ZNF578: variants seen among roughly 807,000 people sequenced by gnomAD.
ZNF578 encodes Putative chemokine-related protein B42.
Under a neutral mutation model 8.3 loss-of-function variants are expected in ZNF578, and 8 were observed. The ratio of observed to expected loss-of-function variants is 0.96; its 90% CI spans 0.56 to 1.74. The LOEUF (loss-of-function observed/expected upper bound fraction) is 1.74, where lower values mean the gene tolerates loss of function less well. Ranked by LOEUF, ZNF578 falls within the 40% of genes most tolerant of loss-of-function variation. The pLI is 0.00. For synonymous variants in ZNF578, 206 were observed against 232.2 expected (o/e 0.89, Z 1.03); for missense variants, 726 against 707.5 (o/e 1.03, Z -0.30).
intron 3 of ZNF578, among the ~76,000 whole-genome samples, chr19:52,494,175 G>C (rs1317261120): frequency 6.6e-6 from 1 of 151,906 alleles, no homozygotes; most frequent in Non-Finnish European, 1.5e-5. Context: ...TAAAGAATTA[G>C]GGAGGGAAGC....
rs1263551945 is a variant in ZNF578, at chr19:52,486,898, G to A, written c.-121-4426G>A. Among the ~76,000 whole-genome samples, 5 of 151,956 alleles carry A rather than the reference G, an allele frequency of 3.3e-5. No individual in the cohort carries two copies. In the South Asian group the frequency reaches 8.3e-4, roughly 25 times the overall value. Reference sequence around the variant, plus strand: ...AGGTGGAAGAGAAGGAATAGAGAGGGAAGAAAGGGATAAACGGCAGAAGAG... The same window carrying A: ...AGGTGGAAGAGAAGGAATAGAGAGGAAAGAAAGGGATAAACGGCAGAAGAG... On this transcript the variant is annotated intron_variant, in intron 2 of 5. Coordinates refer to ENST00000421239, the MANE Select transcript of ZNF578 (RefSeq NM_001099694.2).
rs143029487 is a variant in ZNF578 at position 52,475,618 on chromosome 19, A to G, written c.-121-15706A>G. ...ATGATCCACCCGCCTCGGCATCTCA[A>G]AGTGCTGGGATTATAGGCGTGAGCC... On this transcript the variant is annotated intron_variant, in intron 2 of 5. Coordinates refer to ENST00000421239, the MANE Select transcript of ZNF578 (RefSeq NM_001099694.2). 8.2e-3 allele frequency among the ~76,000 whole-genome samples: 1,254 copies of G among 152,228 alleles called. 22 individuals are homozygous for G. Among genetic ancestry groups the G allele is most frequent in the African/African-American group, 0.029 (1,197 of 41,540 alleles).
chr19:52,493,190 C>A (rs985184826), intron 3 of ZNF578, among the ~76,000 whole-genome samples: 2 of 152,188 alleles, frequency 1.3e-5, no homozygotes, highest in African/African-American at 4.8e-5. Flanking sequence ...CCCTGGGCGC[C>A]TCCCAGGCTC....
chr19:52,480,052 G>C (rs2059320664), intron 2 of ZNF578, among the ~76,000 whole-genome samples: 1 of 152,158 alleles, frequency 6.6e-6, no homozygotes, highest in African/African-American at 2.4e-5. Flanking sequence ...TGGGACTACA[G>C]GTGCCTGCCA....
chr19:52,469,170 T>TTTTG lies in ZNF578; in HGVS notation c.-122+12215_-122+12216insGTTT, dbSNP rs1555752379. ...GTACCTGGAGTGGTTTTTTTTTGTTTTTTTTTTTTTGACAGGGTCTCACTC... is the reference window on the plus strand; with the variant it reads ...GTACCTGGAGTGGTTTTTTTTTGTTTTTTGTTTTTTTTTTGACAGGGTCTCACTC... On this transcript the variant is annotated intron_variant, in intron 2 of 5. Coordinates refer to ENST00000421239, the MANE Select transcript of ZNF578 (RefSeq NM_001099694.2). Among the ~76,000 whole-genome samples the TTTTG allele has an allele frequency of 2.7e-5, 4 of 149,014 alleles. 1 individual carries two copies. The highest frequency in any genetic ancestry group is 7.4e-5 in the African/African-American group (3 of 40,770).
chr19:52,499,062 C>A (rs1447502403), intron 3 of ZNF578, among the ~76,000 whole-genome samples: 5 of 152,058 alleles, frequency 3.3e-5, no homozygotes, highest in African/African-American at 1.2e-4. Flanking sequence ...TCAGCCACAC[C>A]TCCTTCCTCC....
rs73584874 is a variant in ZNF578 at position 52,513,399 on chromosome 19, A to C, written c.*1245A>C. ...TTTAAAGAGATAGTACTTTTTTGAG[A>C]TAGTACTTTTTTAAAGGGATATACC... is the stretch of plus-strand genomic sequence containing the variant. On this transcript the variant is annotated 3_prime_UTR_variant, in exon 6 of 6. Coordinates refer to ENST00000421239, the MANE Select transcript of ZNF578 (RefSeq NM_001099694.2). Among the ~76,000 whole-genome samples the C allele has an allele frequency of 1.7e-5, 2 of 115,078 alleles. No individual in the cohort carries two copies. The highest frequency in any genetic ancestry group is 3.5e-5 in the Non-Finnish European group (2 of 56,900). The allele number at this position is 115,078 out of a possible 152,430, so 75.5% of individuals were successfully genotyped here.
At chr19:52,458,484 T>TATATATATATA (rs1167339096) in intron 2 of ZNF578, 67 of 11,598 alleles carry the variant, frequency 5.8e-3, no homozygotes, top group Middle Eastern at 0.05. Context: ...ATATATATAT[T>TATATATATATA]TTGAAAATCT....
rs329938 is a variant in ZNF578 at position 52,512,447 on chromosome 19, A to T, written c.*293A>T. On this transcript the variant is annotated 3_prime_UTR_variant, in exon 6 of 6. Coordinates refer to ENST00000421239, the MANE Select transcript of ZNF578 (RefSeq NM_001099694.2). Reference sequence around the variant, plus strand: ...TCTTCCGAGTGTAATAAATGTGGCAAATTTTTCAGACATCGTTCATACCTT... The same window carrying T: ...TCTTCCGAGTGTAATAAATGTGGCATATTTTTCAGACATCGTTCATACCTT... 5.1e-6 allele frequency: 7 copies of T among 1,385,008 alleles called. No individual in the cohort carries two copies. In the African/African-American group the frequency reaches 1.0e-4, roughly 20 times the overall value. The allele number at this position is 1,385,008 out of a possible 1,614,324, so 85.8% of individuals were successfully genotyped here.
At chr19:52,492,113 G>C (rs960103316) in intron 3 of ZNF578, among the ~76,000 whole-genome samples, 3 of 128,170 alleles carry the variant, frequency 2.3e-5, no homozygotes, top group African/African-American at 8.6e-5. Flanking sequence ...AGCCAAAACC[G>C]TGCCACTGCA....
intron 2 of ZNF578, among the ~76,000 whole-genome samples, chr19:52,465,182 C>T (rs1032695711): frequency 4.6e-5 from 7 of 152,036 alleles, no homozygotes; most frequent in Non-Finnish European, 1.0e-4. Flanking sequence ...AACTGCAGGG[C>T]GAGCCTGAAT....
chr19:52,502,821 C>T (rs2059412372), intron 4 of ZNF578, among the ~76,000 whole-genome samples: 1 of 152,140 alleles, frequency 6.6e-6, no homozygotes, highest in Non-Finnish European at 1.5e-5. Context: ...TTACAGCAGC[C>T]TCAAACTCCT....
In ZNF578 at chr19:52,510,747, A is replaced by T. The variant is rs147551656; in HGVS notation, c.366A>T (p.Arg122Ser). Residue 122 changes from arginine (R) to serine (S), a missense_variant, in exon 6 of 6, where the codon AGA (arginine) becomes AGT (serine). Arg to Ser is a moderately radical substitution (Grantham distance 110). Coordinates refer to ENST00000421239, the MANE Select transcript of ZNF578 (RefSeq NM_001099694.2). Reference protein sequence around the residue: ...DFEFQSQKDERNGHEASMPKI... With the variant: ...DFEFQSQKDESNGHEASMPKI... The stretch of plus-strand genomic sequence containing the variant: ...AGTTTCAGTCACAAAAAGATGAAAG[A>T]AATGGCCATGAAGCATCCATGCCAA... 22 of 1,612,906 alleles carry T rather than the reference A, an allele frequency of 1.4e-5. No individual in the cohort carries two copies. In the East Asian group the frequency reaches 4.7e-4, roughly 34 times the overall value.
intron 3 of ZNF578, among the ~76,000 whole-genome samples, chr19:52,498,208 G>C (rs544133016): frequency 6.6e-6 from 1 of 152,248 alleles, no homozygotes; most frequent in South Asian, 2.1e-4. Context: ...CCAGGCTGGA[G>C]TGCAGTGACA....
At chr19:52,496,416 G>A (rs1191279526) in intron 3 of ZNF578, among the ~76,000 whole-genome samples, 1 of 143,052 alleles carries the variant, frequency 7.0e-6, no homozygotes, top group African/African-American at 2.6e-5. Context: ...TGCAAGCTCC[G>A]CCTCCCGGGT....
Position 52,511,985 on chromosome 19 carries a change from G to T in ZNF578, c.1604G>T (p.Gly535Val). The part of the protein sequence containing the change: ...HLSRHHRLHT[G>V]EKPYKCKVCD... ...TCACGTCATCATAGACTTCATACTGGAGAGAAACCTTACAAATGTAAGGTT... is the reference window on the plus strand; with the variant it reads ...TCACGTCATCATAGACTTCATACTGTAGAGAAACCTTACAAATGTAAGGTT... The change falls in exon 6 of 6, where the codon GGA becomes GTA. Residue 535 changes from glycine to valine, a missense_variant. Physicochemically the swap from Gly to Val is moderately radical, Grantham distance 109. Coordinates refer to ENST00000421239, the MANE Select transcript of ZNF578 (RefSeq NM_001099694.2). 2 of 1,614,090 alleles carry T rather than the reference G, an allele frequency of 1.2e-6. No individual in the cohort carries two copies. The highest frequency in any genetic ancestry group is 8.5e-7 in the Non-Finnish European group (1 of 1,180,012).
At chr19:52,472,712 C>T (rs1252816556) in intron 2 of ZNF578, among the ~76,000 whole-genome samples, 1 of 152,136 alleles carries the variant, frequency 6.6e-6, no homozygotes, top group Non-Finnish European at 1.5e-5. Context: ...ATACATTGAA[C>T]ACAATAAGTA....
intron 2 of ZNF578, chr19:52,473,847 A>G (rs2059299703): frequency 6.3e-6 from 2 of 316,550 alleles, no homozygotes; most frequent in Admixed American, 4.7e-5. Context: ...ATTCTCCAAC[A>G]TTGTGCTAGG....
chr19:52,506,400 C>T (rs1182201121), intron 5 of ZNF578, among the ~76,000 whole-genome samples: 1 of 150,646 alleles, frequency 6.6e-6, no homozygotes, highest in Non-Finnish European at 1.5e-5. Flanking sequence ...CACCTGAGGT[C>T]AGGAGTTCGA....
Sources: gnomAD v4.1 joint callset for allele counts (sites outside exome capture counted in the v4.1 genomes callset) on GRCh38, gnomAD v4.1.1 for gene constraint, MANE v1.5 for transcripts, NCBI Gene and HGNC (gene_info 2026-07-23, HGNC 2026-07-21) for gene names.